NELL1: variants seen among roughly 807,000 people sequenced by gnomAD.
The protein encoded by NELL1 is neural EGFL like 1.
A neutral mutation model predicts 107.4 loss-of-function variants in NELL1; 76 were observed. The observed-to-expected ratio is 0.71, with a 90% CI of 0.59 to 0.86. NELL1 has a LOEUF of 0.86. Ranked by LOEUF, NELL1 falls within the 40% of genes least tolerant of loss-of-function variation. The probability of loss-of-function intolerance (pLI) is 0.00; values close to 1 mark genes in which losing one functional copy is unlikely to be tolerated. For missense variants in NELL1, 1,024 were observed against 1,005.5 expected (o/e 1.02, Z -0.25); for synonymous variants, 353 against 341.2 (o/e 1.03, Z -0.38).
At chr11:21,120,485 T>C (rs763372570) in intron 13 of NELL1, among the ~76,000 whole-genome samples, 25 of 152,082 alleles carry the variant, frequency 1.6e-4, no homozygotes, top group Non-Finnish European at 3.4e-4. Context: ...TTTCCACGGA[T>C]CATCATTATC....
intron 13 of NELL1, among the ~76,000 whole-genome samples, chr11:21,198,263 A>G (rs1422593963): frequency 1.3e-5 from 2 of 152,212 alleles, no homozygotes; most frequent in East Asian, 1.9e-4. Context: ...CATCCAGACA[A>G]TGAGTGTTCA....
intron 2 of NELL1, among the ~76,000 whole-genome samples, chr11:20,725,780 G>T (rs956704018): frequency 2.6e-5 from 4 of 152,086 alleles, no homozygotes; most frequent in African/African-American, 7.2e-5. Flanking sequence ...AGATTCAGGG[G>T]GTCCATGTGC....
chr11:21,533,820 G>T (rs1417855171), intron 15 of NELL1, among the ~76,000 whole-genome samples: 6 of 152,086 alleles, frequency 3.9e-5, no homozygotes, highest in Admixed American at 3.9e-4. Flanking sequence ...GGTATCCCAA[G>T]AAAAGGTAAT....
At chr11:20,753,733 C>T (rs1856196912) in intron 2 of NELL1, among the ~76,000 whole-genome samples, 2 of 152,174 alleles carry the variant, frequency 1.3e-5, no homozygotes, top group Non-Finnish European at 1.5e-5. Flanking sequence ...ATGATGTCAT[C>T]ATGGCTTAAT....
intron 15 of NELL1, 147 bp downstream of exon 15, chr11:21,371,095 G>T (rs1003752334): frequency 3.3e-6 from 2 of 598,068 alleles, no homozygotes; most frequent in Non-Finnish European, 5.7e-6. Flanking sequence ...TCCCAAAGTG[G>T]GTACCTTGCT....
intron 15 of NELL1, among the ~76,000 whole-genome samples, chr11:21,523,870 A>T (rs1275083104): frequency 6.6e-6 from 1 of 151,998 alleles, no homozygotes; most frequent in Non-Finnish European, 1.5e-5. Context: ...AGTATCTTGA[A>T]AACTTTTTTC....
chr11:20,940,743 C>G (rs1374791041), intron 10 of NELL1, among the ~76,000 whole-genome samples: 1 of 152,214 alleles, frequency 6.6e-6, no homozygotes, highest in Non-Finnish European at 1.5e-5. Context: ...GCAGACAATA[C>G]AAGGGCATGA....
chr11:21,164,716 C>T (rs1856444301), intron 13 of NELL1, among the ~76,000 whole-genome samples: 1 of 152,136 alleles, frequency 6.6e-6, no homozygotes. Flanking sequence ...AGAGTCTTCT[C>T]CTGTGTTACA....
chr11:20,678,551 A>G (rs1176151561), intron 2 of NELL1, among the ~76,000 whole-genome samples: 3 of 152,198 alleles, frequency 2.0e-5, no homozygotes, highest in African/African-American at 7.2e-5. Flanking sequence ...GCAAGCATTT[A>G]TAGAGAAAAC....
intron 15 of NELL1, among the ~76,000 whole-genome samples, chr11:21,420,045 C>T (rs1018218992): frequency 2.0e-5 from 3 of 151,776 alleles, no homozygotes; most frequent in Non-Finnish European, 4.4e-5. Flanking sequence ...CTTAGAGGTG[C>T]GTGTGGGTGT....
At chr11:20,683,996 T>C (rs1021851118) in intron 2 of NELL1, among the ~76,000 whole-genome samples, 2 of 151,552 alleles carry the variant, frequency 1.3e-5, no homozygotes, top group Non-Finnish European at 2.9e-5. Flanking sequence ...CCATTATGTC[T>C]TCAAATATTT....
At chr11:21,117,720 A>G (rs1855271179) in intron 13 of NELL1, among the ~76,000 whole-genome samples, 1 of 151,968 alleles carries the variant, frequency 6.6e-6, no homozygotes, top group African/African-American at 2.4e-5. Flanking sequence ...TCTGCATACC[A>G]TATTCACTTT....
At chr11:20,962,560 T>TG (rs11400313) in intron 12 of NELL1, among the ~76,000 whole-genome samples, 1,537 of 152,332 alleles carry the variant, frequency 0.01, 22 homozygotes, top group African/African-American at 0.035. Context: ...AAACTGCTGG[T>TG]GCTAATGCTG....
At chr11:21,024,415 T>A (rs771586991) in intron 12 of NELL1, among the ~76,000 whole-genome samples, 12 of 152,148 alleles carry the variant, frequency 7.9e-5, no homozygotes, top group Admixed American at 3.3e-4. Context: ...ATGGTCCCCA[T>A]AGGAAGCGCT....
chr11:21,508,624 A>C (rs769400367), intron 15 of NELL1, among the ~76,000 whole-genome samples: 4 of 152,150 alleles, frequency 2.6e-5, no homozygotes, highest in Non-Finnish European at 4.4e-5. Flanking sequence ...ACAACCTAAA[A>C]TGATTATTTA....
rs528136352 is a variant in NELL1 at position 20,775,059 on chromosome 11, G to A, written c.185-8621G>A. 3.3e-5 allele frequency among the ~76,000 whole-genome samples: 5 copies of A among 152,232 alleles called. No individual in the cohort carries two copies. In the East Asian group the frequency reaches 7.7e-4, roughly 24 times the overall value. On this transcript the variant is annotated intron_variant, in intron 2 of 19. Coordinates refer to ENST00000357134, the MANE Select transcript of NELL1 (RefSeq NM_006157.5). ...TCTTCTTTTGTAGGATGTCCTTCTT[G>A]TTTCTCCCATTTCTATGATGAGCTC...
chr11:21,357,856 T>C (rs1850972607), intron 14 of NELL1, among the ~76,000 whole-genome samples: 1 of 152,212 alleles, frequency 6.6e-6, no homozygotes, highest in Non-Finnish European at 1.5e-5. Context: ...TTTATTCTTC[T>C]CCACATGGCC....
At chr11:21,546,836 A>G (rs1248487087) in intron 16 of NELL1, among the ~76,000 whole-genome samples, 1 of 152,044 alleles carries the variant, frequency 6.6e-6, no homozygotes, top group African/African-American at 2.4e-5. Context: ...AGATTACTCA[A>G]GCTGCTGTGA....
chr11:20,686,024 A>C (rs947714969), intron 2 of NELL1, among the ~76,000 whole-genome samples: 16 of 152,112 alleles, frequency 1.1e-4, no homozygotes, highest in Non-Finnish European at 1.6e-4. Flanking sequence ...GACGAATAAA[A>C]AGACTGATAA....
Sources: gnomAD v4.1 joint callset for allele counts (sites outside exome capture counted in the v4.1 genomes callset) on GRCh38, gnomAD v4.1.1 for gene constraint, MANE v1.5 for transcripts, NCBI Gene and HGNC (gene_info 2026-07-23, HGNC 2026-07-21) for gene names.